Variants in DNM3 observed in about 807,000 individuals in gnomAD.
DNM3 encodes the protein dynamin 3, also known as dynamin-3.
DNM3 carries 47 observed loss-of-function variants against 101.6 expected under a neutral mutation model. That is an observed-to-expected ratio of 0.46 (90% confidence interval 0.37 to 0.59). DNM3 has a LOEUF of 0.59. DNM3 is among the 20% of genes least tolerant of loss of function. The pLI, the probability that DNM3 is intolerant of heterozygous loss-of-function variation, is 0.00. For synonymous variants in DNM3, 385 were observed against 387.9 expected (o/e 0.99, Z 0.09); for missense variants, 849 against 1,085.7 (o/e 0.78, Z 3.06).
At chr1:172,167,254 C>A (rs1312495794) in intron 14 of DNM3, among the ~76,000 whole-genome samples, 2 of 151,998 alleles carry the variant, frequency 1.3e-5, no homozygotes, top group Non-Finnish European at 2.9e-5. Flanking sequence ...TGCACTCATC[C>A]TTTTTTATGG....
intron 4 of DNM3, among the ~76,000 whole-genome samples, chr1:172,005,799 CTT>C (rs1572048660): frequency 6.6e-6 from 1 of 152,038 alleles, no homozygotes; most frequent in East Asian, 1.9e-4. Flanking sequence ...TTAATGGAAA[CTT>C]TTGCTGTAGT....
Position 172,062,879 on chromosome 1 carries a change from C to T in DNM3, c.1336-5940C>T, listed in dbSNP as rs186146244. ...TTTTTTTCATAGCAAATGTGTTGTG[C>T]GCAGATGACTGCCTTCTCATATCCT... On this transcript the variant is annotated intron_variant, in intron 10 of 20. Coordinates refer to ENST00000627582, the MANE Select transcript of DNM3 (RefSeq NM_015569.5). Among the ~76,000 whole-genome samples, 19 of 152,158 alleles carry T rather than the reference C, an allele frequency of 1.2e-4. No individual in the cohort carries two copies. The South Asian group carries it at 2.9e-3, about 23-fold the overall frequency.
In DNM3 at chr1:172,236,399, T is replaced by G. The variant is rs142424065; in HGVS notation, c.1660-17174T>G. On this transcript the variant is annotated intron_variant, in intron 14 of 20. Transcript: ENST00000627582. ...AGAAAAGAGAGAGAAGGGGTGGTAT[T>G]TCTAGAAAGGCAGGATAGCTCTGAC... Among the ~76,000 whole-genome samples, 639 of 152,314 alleles carry G rather than the reference T, an allele frequency of 4.2e-3. 11 individuals carry two copies. The highest frequency in any genetic ancestry group is 0.014 in the African/African-American group (601 of 41,586).
chr1:172,077,328 C>CTGA (rs934124618), intron 11 of DNM3, among the ~76,000 whole-genome samples: 5 of 152,028 alleles, frequency 3.3e-5, no homozygotes, highest in African/African-American at 1.2e-4. Flanking sequence ...CAGTTCTGAT[C>CTGA]TGATCTTATT....
At chr1:172,335,274 T>C (rs2066369211) in intron 17 of DNM3, among the ~76,000 whole-genome samples, 1 of 152,164 alleles carries the variant, frequency 6.6e-6, no homozygotes, top group African/African-American at 2.4e-5. Flanking sequence ...GTAGAGTTTT[T>C]CGGGGATAAA....
intron 14 of DNM3, among the ~76,000 whole-genome samples, chr1:172,244,508 GA>G (rs1233989511): frequency 2.0e-5 from 3 of 150,994 alleles, no homozygotes; most frequent in Non-Finnish European, 4.4e-5. Context: ...AAATTTACAA[GA>G]AAAAAACAAA....
At chr1:171,875,443 C>CT (rs2035676701) in intron 1 of DNM3, among the ~76,000 whole-genome samples, 1 of 151,974 alleles carries the variant, frequency 6.6e-6, no homozygotes, top group Non-Finnish European at 1.5e-5. Context: ...ACCTTTTTTT[C>CT]TTTGTCTTTT....
At chr1:172,416,765 G>T (rs2071441193), downstream of DNM3, among the ~76,000 whole-genome samples, 1 of 152,184 alleles carries the variant, frequency 6.6e-6, no homozygotes, top group Non-Finnish European at 1.5e-5. Context: ...GAGCTCGACA[G>T]AAATTTAATT....
intron 2 of DNM3, among the ~76,000 whole-genome samples, chr1:171,978,697 G>A (rs1264278909): frequency 1.3e-5 from 2 of 152,164 alleles, no homozygotes; most frequent in African/African-American, 4.8e-5. Context: ...TGGATTCAAT[G>A]GAGCAAGAGT....
Position 172,055,810 on chromosome 1 carries a change from T to C in DNM3, c.1335+7060T>C, listed in dbSNP as rs541825100. ...TAGATGTGCTATGGTTTTTACACTG[T>C]ATGAAAATACTTGCATTTCGGGGAG... On this transcript the variant is annotated intron_variant, in intron 10 of 20. Coordinates refer to ENST00000627582, the MANE Select transcript of DNM3 (RefSeq NM_015569.5). Among the ~76,000 whole-genome samples the C allele has an allele frequency of 2.0e-4, 31 of 152,312 alleles. No homozygotes were observed. In the South Asian group the frequency reaches 4.6e-3, roughly 22 times the overall value.
intron 20 of DNM3, among the ~76,000 whole-genome samples, chr1:172,404,656 GACCTACATTCCTACTTCCA>G (rs1333512084): frequency 6.6e-6 from 1 of 151,830 alleles, no homozygotes; most frequent in Non-Finnish European, 1.5e-5. Flanking sequence ...ACTCATTATA[GACCTACATTCCTACTTCCA>G]AGTTTTATAT....
Position 172,411,016 on chromosome 1 carries a change from G to T in DNM3, c.*3175G>T. The T allele has an allele frequency of 1.0e-6, 1 of 985,092 alleles. No homozygotes were observed. Among genetic ancestry groups the T allele is most frequent in the Non-Finnish European group, 1.2e-6 (1 of 829,750 alleles). 61.0% of individuals were successfully genotyped at this position (985,092 alleles called of 1,614,324 possible). Reference sequence around the variant, plus strand: ...TGTGTATTTTATGTCCATTTGAGTAGGTAGGTAGGTTTTAAAAATACTAGT... The same window carrying T: ...TGTGTATTTTATGTCCATTTGAGTATGTAGGTAGGTTTTAAAAATACTAGT... On this transcript the variant is annotated 3_prime_UTR_variant, in exon 21 of 21. Transcript: ENST00000627582.
chr1:171,924,371 A>C (rs1397966375), intron 2 of DNM3, among the ~76,000 whole-genome samples: 1 of 152,130 alleles, frequency 6.6e-6, no homozygotes, highest in Non-Finnish European at 1.5e-5. Context: ...CAATAGCTGT[A>C]TCAGTCTATT....
intron 13 of DNM3, among the ~76,000 whole-genome samples, chr1:172,113,620 CAAAAAAAAAAA>C (rs34129992): frequency 3.2e-4 from 17 of 52,358 alleles, no homozygotes; most frequent in African/African-American, 5.7e-4. Flanking sequence ...AACTCTGTCT[CAAAAAAAAAAA>C]AAAAAAAAAA....
intron 2 of DNM3, among the ~76,000 whole-genome samples, chr1:171,949,212 A>G (rs957656211): frequency 6.6e-6 from 1 of 152,152 alleles, no homozygotes; most frequent in Non-Finnish European, 1.5e-5. Context: ...ACCTACTTCT[A>G]GTTTAAGCTC....
chr1:172,134,944 GT>G lies in DNM3; in HGVS notation c.1659+3662del, dbSNP rs573187866. 7.9e-5 allele frequency among the ~76,000 whole-genome samples: 12 copies of G among 152,236 alleles called. No individual in the cohort carries two copies. In the East Asian group the frequency reaches 2.3e-3, roughly 29 times the overall value. Reference sequence around the variant, plus strand: ...ATTTTGATATTAAGAATGATGAGAAGTTTTTTAAGCTGGAGAGTCACATGAT... The same window carrying G: ...ATTTTGATATTAAGAATGATGAGAAGTTTTTAAGCTGGAGAGTCACATGAT... On this transcript the variant is annotated intron_variant, in intron 14 of 20. Coordinates refer to ENST00000627582, the MANE Select transcript of DNM3 (RefSeq NM_015569.5).
rs1278988702 is a variant in DNM3, at chr1:172,410,365, A to G, written c.*2524A>G. ...CCATACCATTTCTAATCTTTTGTGTAATTTTCTCTTAACTGATTGCTCTGA... is the reference window on the plus strand; with the variant it reads ...CCATACCATTTCTAATCTTTTGTGTGATTTTCTCTTAACTGATTGCTCTGA... On this transcript the variant is annotated 3_prime_UTR_variant, in exon 21 of 21. Coordinates refer to ENST00000627582, the MANE Select transcript of DNM3 (RefSeq NM_015569.5). 1.0e-6 allele frequency: 1 copy of G among 985,182 alleles called. No individual in the cohort carries two copies. The highest frequency in any genetic ancestry group is 6.2e-5 in the Admixed American group (1 of 16,254). 61.0% of individuals were successfully genotyped at this position (985,182 alleles called of 1,614,324 possible). A position where few individuals can be genotyped will look rare whatever the true frequency, so the allele number is the denominator to read the frequency against.
chr1:171,943,563 A>T (rs1321489853), intron 2 of DNM3, among the ~76,000 whole-genome samples: 1 of 152,222 alleles, frequency 6.6e-6, no homozygotes, highest in Non-Finnish European at 1.5e-5. Flanking sequence ...GTTTTTAGAC[A>T]ATAACTTAAC....
At chr1:172,180,685 G>T (rs765363294) in intron 14 of DNM3, among the ~76,000 whole-genome samples, 2 of 152,046 alleles carry the variant, frequency 1.3e-5, no homozygotes, top group Non-Finnish European at 2.9e-5. Context: ...TGCTCTACAT[G>T]TTTCCAATAG....
Sources: gnomAD v4.1 joint callset for allele counts (sites outside exome capture counted in the v4.1 genomes callset) on GRCh38, gnomAD v4.1.1 for gene constraint, MANE v1.5 for transcripts, NCBI Gene and HGNC (gene_info 2026-07-23, HGNC 2026-07-21) for gene names.